Variants in GRIK4 observed in about 807,000 individuals in gnomAD.
The protein encoded by GRIK4 is glutamate ionotropic receptor kainate type subunit 4.
Under a neutral mutation model 104.9 loss-of-function variants are expected in GRIK4, and 40 were observed. The observed-to-expected ratio is 0.38, with a 90% CI of 0.30 to 0.50. The LOEUF (loss-of-function observed/expected upper bound fraction) is 0.50, where lower values mean the gene tolerates loss of function less well. GRIK4 is among the 20% of genes least tolerant of loss of function. The pLI, the probability that GRIK4 is intolerant of heterozygous loss-of-function variation, is 0.93. For synonymous variants in GRIK4, 485 were observed against 524.9 expected, an observed-to-expected ratio of 0.92 and a Z score of 1.04; for missense variants, 1,047 against 1,308.1, an observed-to-expected ratio of 0.80 and a Z score of 3.08.
rs75416847 is a variant in GRIK4 at position 120,528,592 on chromosome 11, A to G, written c.-159+16705A>G. On this transcript the variant is annotated intron_variant, in intron 1 of 20. Coordinates refer to ENST00000527524, the MANE Select transcript of GRIK4 (RefSeq NM_014619.5). ...ATAAAGACATATCAGAGACTGGGTA[A>G]CTTATACAGGAAAAAGGGGTTAATG... Among the ~76,000 whole-genome samples, 166 of 152,326 alleles carry G rather than the reference A, an allele frequency of 1.1e-3. 2 individuals are homozygous for G. Among genetic ancestry groups the G allele is most frequent in the Non-Finnish European group, 1.5e-3 (100 of 68,036 alleles).
intron 18 of GRIK4, chr11:120,962,943 G>A: frequency 2.9e-6 from 1 of 348,344 alleles, no homozygotes; most frequent in Non-Finnish European, 5.2e-6. Flanking sequence ...CTAATTTAAA[G>A]GGCTAATAGT....
At chr11:120,934,384 C>T (rs1381626306) in intron 13 of GRIK4, among the ~76,000 whole-genome samples, 4 of 152,048 alleles carry the variant, frequency 2.6e-5, no homozygotes, top group African/African-American at 7.2e-5. Flanking sequence ...TAGACCACTC[C>T]TCATGCCATT....
chr11:120,753,297 C>CTGTGTGTGTGTG (rs57423619), intron 3 of GRIK4, among the ~76,000 whole-genome samples: 134 of 130,272 alleles, frequency 1.0e-3, no homozygotes, highest in East Asian at 7.4e-3. Context: ...CAACACAACT[C>CTGTGTGTGTGTG]TGTGTGTGTG....
At chr11:120,816,261 T>C (rs1405842005) in intron 5 of GRIK4, among the ~76,000 whole-genome samples, 1 of 152,196 alleles carries the variant, frequency 6.6e-6, no homozygotes, top group Non-Finnish European at 1.5e-5. Context: ...CCTTCCTGGA[T>C]CCATCAATCC....
intron 1 of GRIK4, among the ~76,000 whole-genome samples, chr11:120,652,326 A>G (rs1406872725): frequency 6.6e-6 from 1 of 152,222 alleles, no homozygotes; most frequent in Non-Finnish European, 1.5e-5. Flanking sequence ...GTTGACTCCC[A>G]GAGCTGGTGA....
In GRIK4 at chr11:120,962,301, G is replaced by C. The variant is rs2134733524; in HGVS notation, c.2041-155G>C. ...TACACAGTGACAGTGAACATCTTGT[G>C]TTGAGAGACAGAAAGGGAAAAGGTT... On this transcript the variant is annotated intron_variant, in intron 17 of 20. Transcript: ENST00000527524. 2.0e-5 allele frequency among the ~76,000 whole-genome samples: 3 copies of C among 152,310 alleles called. 1 individual carries two copies. In the Middle Eastern group the frequency reaches 0.01, roughly 518 times the overall value.
intron 3 of GRIK4, among the ~76,000 whole-genome samples, chr11:120,700,640 G>A (rs1175861730): frequency 6.6e-6 from 1 of 152,090 alleles, no homozygotes; most frequent in South Asian, 2.1e-4. Flanking sequence ...TGTATTTTTA[G>A]TAGAGACGGG....
intron 3 of GRIK4, among the ~76,000 whole-genome samples, chr11:120,683,003 CTT>C (rs1476545480): frequency 2.0e-5 from 3 of 152,174 alleles, no homozygotes; most frequent in Non-Finnish European, 2.9e-5. Context: ...CCCCCTCTCT[CTT>C]GTTGCTTATA....
chr11:120,566,699 A>G (rs1298433977), intron 1 of GRIK4, among the ~76,000 whole-genome samples: 1 of 146,158 alleles, frequency 6.8e-6, no homozygotes, highest in Non-Finnish European at 1.5e-5. Flanking sequence ...TCTTGTTTAT[A>G]CCCTCAGTTT....
intron 1 of GRIK4, among the ~76,000 whole-genome samples, chr11:120,548,069 G>C (rs1229484503): frequency 1.3e-5 from 2 of 152,196 alleles, no homozygotes; most frequent in Admixed American, 6.5e-5. Context: ...CCTGAAGCCT[G>C]TGTGTGACAG....
At chr11:120,783,106 C>T (rs1257448223) in intron 3 of GRIK4, among the ~76,000 whole-genome samples, 1 of 152,226 alleles carries the variant, frequency 6.6e-6, no homozygotes, top group Non-Finnish European at 1.5e-5. Flanking sequence ...TGCTGCTGAA[C>T]TCCCTACAAT....
rs138923785 is a variant in GRIK4, at chr11:120,786,350, C to T, written c.83-16343C>T. 4.5e-3 allele frequency among the ~76,000 whole-genome samples: 687 copies of T among 152,352 alleles called. 6 individuals carry two copies. Among genetic ancestry groups the T allele is most frequent in the Middle Eastern group, 0.01 (3 of 294 alleles). On this transcript the variant is annotated intron_variant, in intron 3 of 20. Coordinates refer to ENST00000527524, the MANE Select transcript of GRIK4 (RefSeq NM_014619.5). ...ATCTCACCATCGCATTCCCCTGCTC[C>T]GCTCTTCTGCGTATCCTGGTATCCA...
chr11:120,738,406 C>T (rs910102829), intron 3 of GRIK4, among the ~76,000 whole-genome samples: 7 of 152,166 alleles, frequency 4.6e-5, no homozygotes, highest in Admixed American at 2.0e-4. Context: ...AGAGGGCAAG[C>T]GATAGGTCAG....
rs1950340471 is a variant in GRIK4 at position 120,690,459 on chromosome 11, A to G, written c.82+30059A>G. Among the ~76,000 whole-genome samples, 5 of 152,230 alleles carry G rather than the reference A, an allele frequency of 3.3e-5. No homozygotes were observed. The South Asian group carries it at 1.0e-3, about 32-fold the overall frequency. ...CCCTGCCTCCTGGTTTCACGCTCTC[A>G]CCAGCTGAGCCCCCACACTGCAGCA... is the stretch of plus-strand genomic sequence containing the variant. On this transcript the variant is annotated intron_variant, in intron 3 of 20. Transcript: ENST00000527524.
At chr11:120,912,866 G>A (rs914017214) in intron 13 of GRIK4, among the ~76,000 whole-genome samples, 5 of 152,188 alleles carry the variant, frequency 3.3e-5, no homozygotes, top group South Asian at 2.1e-4. Flanking sequence ...AAAGGTAGGC[G>A]GGATGGAGGC....
At chr11:120,844,560 A>G (rs946822659) in intron 8 of GRIK4, among the ~76,000 whole-genome samples, 7 of 152,136 alleles carry the variant, frequency 4.6e-5, no homozygotes, top group African/African-American at 1.7e-4. Flanking sequence ...TGGCCAAGTA[A>G]GATAAGTCAT....
intron 3 of GRIK4, among the ~76,000 whole-genome samples, chr11:120,742,615 C>A (rs1176203779): frequency 1.3e-5 from 2 of 151,702 alleles, no homozygotes; most frequent in Non-Finnish European, 2.9e-5. Flanking sequence ...CAAAAAATAG[C>A]AGATGCTGTC....
chr11:120,770,563 T>C (rs1951922386), intron 3 of GRIK4, among the ~76,000 whole-genome samples: 1 of 152,200 alleles, frequency 6.6e-6, no homozygotes, highest in Admixed American at 6.5e-5. Context: ...ATGAATTTCA[T>C]TTATTTGTTC....
intron 11 of GRIK4, among the ~76,000 whole-genome samples, chr11:120,880,306 A>C: frequency 6.6e-6 from 1 of 152,226 alleles, no homozygotes; most frequent in East Asian, 1.9e-4. Context: ...GTTGTCACCT[A>C]CATGATGTGC....
Sources: gnomAD v4.1 joint callset for allele counts (sites outside exome capture counted in the v4.1 genomes callset) on GRCh38, gnomAD v4.1.1 for gene constraint, MANE v1.5 for transcripts, NCBI Gene and HGNC (gene_info 2026-07-23, HGNC 2026-07-21) for gene names.